Variants in ATP7B observed in about 807,000 individuals in gnomAD.
The protein encoded by ATP7B is copper-transporting ATPase 2.
Under a neutral mutation model 118.9 loss-of-function variants are expected in ATP7B, and 113 were observed. The observed-to-expected ratio is 0.95, with a 90% CI of 0.82 to 1.11. The LOEUF is 1.11. Ranked by LOEUF, ATP7B falls within the 50% of genes most tolerant of loss-of-function variation. The pLI is 0.00. For synonymous variants in ATP7B, 777 were observed against 727.4 expected, an observed-to-expected ratio of 1.07 and a Z score of -1.10; for missense variants, 1,867 against 1,871.4, an observed-to-expected ratio of 1.00 and a Z score of 0.04.
chr13:51,972,563 G>A (rs1951893962), intron 2 of ATP7B, among the ~76,000 whole-genome samples: 1 of 152,100 alleles, frequency 6.6e-6, no homozygotes, highest in African/African-American at 2.4e-5. Context: ...AAGCTTGGTG[G>A]AGCTGCCCTC....
At chr13:51,961,958 T>G (rs1318585525) in intron 5 of ATP7B, 45 bp from the exon 6 acceptor site, 1 of 1,524,044 alleles carries the variant, frequency 6.6e-7, no homozygotes, top group African/African-American at 1.4e-5. Flanking sequence ...AGGAAGGTAC[T>G]TGGTTAAAAT....
intron 9 of ATP7B, 139 bp downstream of exon 9, chr13:51,957,377 G>T (rs1292083768): frequency 4.5e-6 from 4 of 889,772 alleles, no homozygotes; most frequent in Non-Finnish European, 5.5e-6. Flanking sequence ...TTCGTAGCTG[G>T]ATTGAGAGTG....
intron 17 of ATP7B, among the ~76,000 whole-genome samples, chr13:51,937,964 C>T (rs1450352037): frequency 1.3e-5 from 2 of 152,154 alleles, no homozygotes; most frequent in East Asian, 3.9e-4. Context: ...CATGTGCTGC[C>T]CCCATGGTCT....
intron 16 of ATP7B, among the ~76,000 whole-genome samples, chr13:51,940,269 T>A (rs887277851): frequency 2.8e-5 from 4 of 145,120 alleles, no homozygotes; most frequent in Non-Finnish European, 4.5e-5. Context: ...CACCTCAGCC[T>A]CCCAAAGTGC....
intron 17 of ATP7B, 98 bp downstream of exon 17, chr13:51,938,953 A>T (rs1346147768): frequency 3.2e-6 from 5 of 1,572,398 alleles, no homozygotes; most frequent in Non-Finnish European, 4.4e-6. Context: ...AGGGAGAAAG[A>T]GCAGGAGTAC....
chr13:52,005,343 G>A (rs1953715517), intron 1 of ATP7B, among the ~76,000 whole-genome samples: 1 of 152,154 alleles, frequency 6.6e-6, no homozygotes, highest in Non-Finnish European at 1.5e-5. Context: ...TGCACACTCT[G>A]CTTAGATATT....
At chr13:51,973,316 G>A (rs917758008) in intron 2 of ATP7B, among the ~76,000 whole-genome samples, 12 of 152,158 alleles carry the variant, frequency 7.9e-5, no homozygotes, top group East Asian at 1.9e-4. Flanking sequence ...AAGGAGGTTC[G>A]CATTCAAGTC....
At chr13:51,995,795 C>A (rs1345398026) in intron 1 of ATP7B, among the ~76,000 whole-genome samples, 1 of 152,148 alleles carries the variant, frequency 6.6e-6, no homozygotes, top group East Asian at 1.9e-4. Context: ...ACAACCGTCC[C>A]AGCACTTGGC....
intron 5 of ATP7B, among the ~76,000 whole-genome samples, chr13:51,964,030 G>A (rs886924484): frequency 2.6e-5 from 4 of 151,752 alleles, no homozygotes; most frequent in South Asian, 2.1e-4. Context: ...CAGCCTGGGC[G>A]ACAGAATGAG....
intron 1 of ATP7B, among the ~76,000 whole-genome samples, chr13:51,983,066 C>T (rs1952497036): frequency 6.6e-6 from 1 of 152,154 alleles, no homozygotes; most frequent in African/African-American, 2.4e-5. Context: ...CAAGACAGAA[C>T]CGTTCACTCG....
chr13:51,996,374 G>A (rs1001490619), intron 1 of ATP7B, among the ~76,000 whole-genome samples: 3 of 152,122 alleles, frequency 2.0e-5, no homozygotes, highest in Non-Finnish European at 4.4e-5. Flanking sequence ...GCTCTGTCGG[G>A]CAGCGCTGCC....
In ATP7B at chr13:51,950,402, G is replaced by A. The variant is rs1381508527; in HGVS notation, c.2448-3C>T. On this transcript the variant is annotated splice_region_variant and splice_polypyrimidine_tract_variant and intron_variant, in intron 9 of 20. Coordinates refer to ENST00000242839, the MANE Select transcript of ATP7B (RefSeq NM_000053.4). The stretch of plus-strand genomic sequence containing the variant: ...GCTCCATGGGGACTTGCTCCTCCCT[G>A]CAACAAACGCCACTTATCACTCACA... 6.2e-7 allele frequency: 1 copy of A among 1,613,786 alleles called. No individual in the cohort carries two copies. Among genetic ancestry groups the A allele is most frequent in the Non-Finnish European group, 8.5e-7 (1 of 1,180,014 alleles).
intron 2 of ATP7B, 40 bp downstream of exon 2, chr13:51,973,895 A>G: frequency 6.2e-7 from 1 of 1,613,792 alleles, no homozygotes; most frequent in South Asian, 1.1e-5. Context: ...CAAAGAGAAA[A>G]GGAGACAAGC....
intron 1 of ATP7B, among the ~76,000 whole-genome samples, chr13:51,991,002 C>T (rs1432621249): frequency 1.3e-5 from 2 of 152,042 alleles, no homozygotes; most frequent in African/African-American, 4.8e-5. Flanking sequence ...GCAGAAGAAT[C>T]GCTTGAGCCT....
At chr13:51,942,843 G>T (rs1957418818) in intron 14 of ATP7B, among the ~76,000 whole-genome samples, 2 of 152,126 alleles carry the variant, frequency 1.3e-5, no homozygotes, top group African/African-American at 4.8e-5. Flanking sequence ...TCATGACAGT[G>T]AACAGGTTAC....
rs552731805 is a variant in ATP7B, at chr13:51,994,826, A to C, written c.51+16461T>G. On this transcript the variant is annotated intron_variant, in intron 1 of 20. Coordinates refer to ENST00000242839, the MANE Select transcript of ATP7B (RefSeq NM_000053.4). ...GGTCAATGAAGAAGACCCTGTACAC[A>C]CCACCAGTCTGCTCAGAAATGCTGC... 5.6e-4 allele frequency among the ~76,000 whole-genome samples: 85 copies of C among 152,312 alleles called. 1 individual carries two copies. The highest frequency in any genetic ancestry group is 2.1e-3 in the South Asian group (10 of 4,828).
At position 51,942,452 on chromosome 13, in the gene ATP7B, T is replaced by C. The variant is rs1434716038; in HGVS notation, c.3346A>G (p.Ser1116Gly). 1.2e-6 allele frequency: 2 copies of C among 1,614,252 alleles called. No homozygotes were observed. Among genetic ancestry groups the C allele is most frequent in the Admixed American group, 1.7e-5 (1 of 60,034 alleles). ...VSNVEGILAHSERPLSAPASH... is the reference protein window; with the variant it reads ...VSNVEGILAHGERPLSAPASH... ...GCCGGTGCACTCAAAGGGCGCTCAC[T>C]GTGGGCCAGGATGCCTTCCACGTTG... The change falls in exon 15 of 21, where the codon AGT becomes GGT. Residue 1116 changes from serine to glycine, a missense_variant. Physicochemically the swap from Ser to Gly is moderately conservative, Grantham distance 56. Transcript: ENST00000242839.
chr13:51,974,904 C>T lies in ATP7B; in HGVS notation c.316G>A (p.Val106Ile), dbSNP rs759630649. 3 of 1,614,230 alleles carry T rather than the reference C, an allele frequency of 1.9e-6. No individual in the cohort carries two copies. Among genetic ancestry groups the T allele is most frequent in the African/African-American group, 1.3e-5 (1 of 75,058 alleles). Residue 106 changes from valine (V) to isoleucine (I), a missense_variant, in exon 2 of 21, where the codon GTT becomes ATT. Coordinates refer to ENST00000242839, the MANE Select transcript of ATP7B (RefSeq NM_000053.4). ...GSATVKYVPSVVCLQQVCHQI... is the reference protein window; with the variant it reads ...GSATVKYVPSIVCLQQVCHQI... ...TGGCAAACCTGTTGCAGGCACACAA[C>T]CGATGGCACATATTTCACAGTGGCA...
At chr13:51,959,431 C>A (rs1048720486) in intron 7 of ATP7B, 1 of 151,430 alleles carries the variant, frequency 6.6e-6, no homozygotes, top group East Asian at 1.9e-4. Flanking sequence ...ATCGCTTGAG[C>A]CCAGGAGTTC....
Sources: allele counts gnomAD v4.1 joint callset (sites outside exome capture counted in the v4.1 genomes callset), GRCh38; gene constraint gnomAD v4.1.1; transcripts MANE v1.5; gene names NCBI Gene and HGNC (gene_info 2026-07-23, HGNC 2026-07-21).